SLC9A9: variants seen among roughly 807,000 people sequenced by gnomAD.
The protein encoded by SLC9A9 is sodium/hydrogen exchanger 9.
A neutral mutation model predicts 77.8 loss-of-function variants in SLC9A9; 62 were observed. That is an observed-to-expected ratio of 0.80 (90% CI 0.65 to 0.98). SLC9A9 has a LOEUF of 0.98. Ranked by LOEUF, SLC9A9 falls within the 50% of genes least tolerant of loss-of-function variation. The pLI, the probability that SLC9A9 is intolerant of heterozygous loss-of-function variation, is 0.00. For missense variants in SLC9A9, 775 were observed against 774.9 expected, an observed-to-expected ratio of 1.00 and a Z score of 0.00; for synonymous variants, 320 against 283.5, an observed-to-expected ratio of 1.13 and a Z score of -1.29.
At chr3:143,685,573 T>C (rs981847873) in intron 5 of SLC9A9, among the ~76,000 whole-genome samples, 1 of 152,158 alleles carries the variant, frequency 6.6e-6, no homozygotes, top group East Asian at 1.9e-4. Flanking sequence ...GAAGATACTC[T>C]AATCCAAATA....
At chr3:143,391,868 G>A (rs897030537) in intron 12 of SLC9A9, among the ~76,000 whole-genome samples, 9 of 152,274 alleles carry the variant, frequency 5.9e-5, no homozygotes, top group African/African-American at 2.2e-4. Flanking sequence ...AAGATCAGAT[G>A]AATGAAATGA....
At chr3:143,323,202 T>G (rs1462207417) in intron 14 of SLC9A9, among the ~76,000 whole-genome samples, 1 of 152,252 alleles carries the variant, frequency 6.6e-6, no homozygotes, top group East Asian at 1.9e-4. Context: ...GAATTACCAT[T>G]GGATCCAGCA....
intron 14 of SLC9A9, among the ~76,000 whole-genome samples, chr3:143,301,951 G>A (rs1285162967): frequency 1.3e-5 from 2 of 152,182 alleles, no homozygotes; most frequent in Non-Finnish European, 2.9e-5. Flanking sequence ...TTGCAGAACT[G>A]CAGAGTGGAA....
intron 14 of SLC9A9, among the ~76,000 whole-genome samples, chr3:143,350,074 A>G (rs560835239): frequency 6.6e-6 from 1 of 152,296 alleles, no homozygotes; most frequent in East Asian, 1.9e-4. Flanking sequence ...CCACAAGAGT[A>G]GTCTTTCTGC....
chr3:143,745,542 C>T lies in SLC9A9; in HGVS notation c.533+49459G>A, dbSNP rs114794015. ...AAACTTTACAGCTGTGCACTGTGACCTTTATGGGACTAAACTCTTAAGCCC... is the reference window on the plus strand; with the variant it reads ...AAACTTTACAGCTGTGCACTGTGACTTTTATGGGACTAAACTCTTAAGCCC... On this transcript the variant is annotated intron_variant, in intron 4 of 15. Coordinates refer to ENST00000316549, the MANE Select transcript of SLC9A9 (RefSeq NM_173653.4). Among the ~76,000 whole-genome samples, 417 of 152,328 alleles carry T rather than the reference C, an allele frequency of 2.7e-3. 1 individual carries two copies. The highest frequency in any genetic ancestry group is 9.7e-3 in the African/African-American group (402 of 41,570).
chr3:143,302,545 G>A (rs369827750), intron 14 of SLC9A9, among the ~76,000 whole-genome samples: 16 of 152,240 alleles, frequency 1.1e-4, no homozygotes, highest in African/African-American at 3.4e-4. Flanking sequence ...TGGCGGGGAG[G>A]AGGAGAGAGC....
chr3:143,543,710 AG>A (rs2036731653), intron 9 of SLC9A9, among the ~76,000 whole-genome samples: 1 of 126,636 alleles, frequency 7.9e-6, no homozygotes, highest in Non-Finnish European at 1.8e-5. Flanking sequence ...GTTGCTGCAA[AG>A]CACATGATTT....
chr3:143,428,223 C>G (rs983362237), intron 12 of SLC9A9, among the ~76,000 whole-genome samples: 4 of 150,812 alleles, frequency 2.7e-5, no homozygotes, highest in African/African-American at 7.4e-5. Flanking sequence ...TCAGAACACT[C>G]AATAGCAAAA....
At chr3:143,568,992 G>A (rs569746870) in intron 8 of SLC9A9, among the ~76,000 whole-genome samples, 1 of 152,142 alleles carries the variant, frequency 6.6e-6, no homozygotes, top group African/African-American at 2.4e-5. Context: ...TAGGTCTAAT[G>A]TGAAGACAAC....
At chr3:143,470,181 G>A (rs925961759) in intron 11 of SLC9A9, among the ~76,000 whole-genome samples, 3 of 152,134 alleles carry the variant, frequency 2.0e-5, no homozygotes, top group Non-Finnish European at 4.4e-5. Flanking sequence ...GAGATAGAAA[G>A]TGAACTTTCC....
At chr3:143,512,252 T>G (rs67623556) in intron 9 of SLC9A9, among the ~76,000 whole-genome samples, 42,362 of 152,138 alleles carry the variant, frequency 0.28, 6,569 homozygotes, top group Non-Finnish European at 0.36. Flanking sequence ...GTAATAAAAC[T>G]TTATAGGATC....
intron 4 of SLC9A9, among the ~76,000 whole-genome samples, chr3:143,694,677 A>T (rs1933575200): frequency 6.6e-6 from 1 of 152,190 alleles, no homozygotes; most frequent in African/African-American, 2.4e-5. Flanking sequence ...TGAAGCCCAG[A>T]TGTGAATTGA....
intron 11 of SLC9A9, among the ~76,000 whole-genome samples, chr3:143,485,951 G>T (rs1316995445): frequency 1.3e-5 from 2 of 151,954 alleles, no homozygotes; most frequent in Admixed American, 6.6e-5. Context: ...GAAGCTTCAT[G>T]AACTCCAAGT....
chr3:143,483,667 C>A (rs1178009553), intron 11 of SLC9A9, among the ~76,000 whole-genome samples: 1 of 152,116 alleles, frequency 6.6e-6, no homozygotes, highest in Non-Finnish European at 1.5e-5. Flanking sequence ...TGAAAGGGAT[C>A]CTAAAGCTTA....
chr3:143,266,959 T>G (rs2108393656), intron 15 of SLC9A9, 30 bp from the exon 16 acceptor site: 1 of 1,607,452 alleles, frequency 6.2e-7, no homozygotes, highest in East Asian at 2.2e-5. Flanking sequence ...GAGGTGTCAC[T>G]TCATGATGAA....
intron 6 of SLC9A9, among the ~76,000 whole-genome samples, chr3:143,596,556 G>C (rs182849152): frequency 1.1e-4 from 16 of 152,050 alleles, no homozygotes; most frequent in African/African-American, 3.9e-4. Flanking sequence ...TCAAGGATAT[G>C]GTCTATGGGA....
rs188922014 is a variant in SLC9A9 at position 143,635,856 on chromosome 3, T to G, written c.755+16399A>C. Among the ~76,000 whole-genome samples the G allele has an allele frequency of 1.1e-3, 160 of 152,352 alleles. 2 individuals carry two copies. The highest frequency in any genetic ancestry group is 3.5e-3 in the Admixed American group (53 of 15,304). On this transcript the variant is annotated intron_variant, in intron 6 of 15. Transcript: ENST00000316549. ...ATTTCACATTATTCAGCGGCAATACTTCATACTTAAATATTTCATAGTTTA... is the reference window on the plus strand; with the variant it reads ...ATTTCACATTATTCAGCGGCAATACGTCATACTTAAATATTTCATAGTTTA...
At chr3:143,384,414 G>A (rs978328879) in intron 12 of SLC9A9, among the ~76,000 whole-genome samples, 20 of 152,200 alleles carry the variant, frequency 1.3e-4, no homozygotes, top group African/African-American at 4.3e-4. Flanking sequence ...CAGGTTGGCC[G>A]TGAACTGAAC....
At chr3:143,700,874 G>A (rs560753261) in intron 4 of SLC9A9, among the ~76,000 whole-genome samples, 59 of 152,368 alleles carry the variant, frequency 3.9e-4, no homozygotes, top group African/African-American at 1.4e-3. Flanking sequence ...CTGGCTTCAG[G>A]TCTAACTTAG....
Sources: gnomAD v4.1 joint callset for allele counts (sites outside exome capture counted in the v4.1 genomes callset) on GRCh38, gnomAD v4.1.1 for gene constraint, MANE v1.5 for transcripts, NCBI Gene and HGNC (gene_info 2026-07-23, HGNC 2026-07-21) for gene names.